Variants in TENM2 observed in about 807,000 individuals in gnomAD.
The protein encoded by TENM2 is teneurin-2.
Under a neutral mutation model 245.2 loss-of-function variants are expected in TENM2, and 52 were observed. The observed-to-expected ratio is 0.21, with a 90% CI of 0.17 to 0.27. The LOEUF is 0.27. Ranked by LOEUF, TENM2 falls within the 10% of genes least tolerant of loss-of-function variation. The pLI, the probability that TENM2 is intolerant of heterozygous loss-of-function variation, is 1.00. For missense variants in TENM2, 3,046 were observed against 3,666.8 expected, an observed-to-expected ratio of 0.83 and a Z score of 4.37; for synonymous variants, 1,363 against 1,438.9, an observed-to-expected ratio of 0.95 and a Z score of 1.19.
chr5:167,813,048 C>T (rs1003861070), intron 2 of TENM2, among the ~76,000 whole-genome samples: 1 of 152,130 alleles, frequency 6.6e-6, no homozygotes, highest in Non-Finnish European at 1.5e-5. Flanking sequence ...AACATTCCTT[C>T]GTGCTTCTGT....
At chr5:167,397,767 A>G (rs975101413) in intron 2 of TENM2, among the ~76,000 whole-genome samples, 5 of 152,186 alleles carry the variant, frequency 3.3e-5, no homozygotes, top group African/African-American at 1.2e-4. Context: ...TAGCAACTTG[A>G]TCTCATATAT....
At chr5:167,146,989 G>A in the TENM2 span, among the ~76,000 whole-genome samples, 1 of 152,126 alleles carries the variant, frequency 6.6e-6, no homozygotes, top group Non-Finnish European at 1.5e-5. Flanking sequence ...GTGATAGAAC[G>A]TTTGAATTTG....
intron 1 of TENM2, among the ~76,000 whole-genome samples, chr5:167,361,420 A>G (rs929420723): frequency 6.6e-6 from 1 of 152,176 alleles, no homozygotes; most frequent in Non-Finnish European, 1.5e-5. Flanking sequence ...ATGTGTCTAT[A>G]AACAACATAT....
At chr5:167,702,035 G>A (rs1222933416) in intron 2 of TENM2, among the ~76,000 whole-genome samples, 1 of 152,116 alleles carries the variant, frequency 6.6e-6, no homozygotes, top group Non-Finnish European at 1.5e-5. Context: ...CAACCATTTT[G>A]AAGATTGCAA....
the TENM2 span, among the ~76,000 whole-genome samples, chr5:167,082,724 C>G: frequency 6.6e-6 from 1 of 152,090 alleles, no homozygotes; most frequent in Non-Finnish European, 1.5e-5. Context: ...GTAGTAGGTT[C>G]ACATACAGAA....
At chr5:167,657,051 G>T (rs1470778407) in intron 2 of TENM2, among the ~76,000 whole-genome samples, 2 of 149,932 alleles carry the variant, frequency 1.3e-5, no homozygotes, top group African/African-American at 4.9e-5. Context: ...CAAAACACTT[G>T]AACGTATTTC....
intron 1 of TENM2, among the ~76,000 whole-genome samples, chr5:167,370,962 C>T (rs189885076): frequency 3.3e-5 from 5 of 152,144 alleles, no homozygotes; most frequent in African/African-American, 1.2e-4. Flanking sequence ...AGTCTCCCAT[C>T]GATGAGCAAA....
At position 167,287,549 on chromosome 5, in the gene TENM2, G is replaced by T. The variant is rs1310165910; in HGVS notation, c.226+2486G>T. ...CTCTACAGATGCTCAGGGTGGAAAAGAATTGCCAGCCAGCAAAAGTGATGG... is the reference window on the plus strand; with the variant it reads ...CTCTACAGATGCTCAGGGTGGAAAATAATTGCCAGCCAGCAAAAGTGATGG... On this transcript the variant is annotated intron_variant, in intron 1 of 28. Transcript: ENST00000518659. 2.0e-5 allele frequency: 3 copies of T among 152,300 alleles called. No individual in the cohort carries two copies. In the East Asian group the frequency reaches 5.8e-4, roughly 29 times the overall value. The allele number at this position is 152,300 out of a possible 1,614,324, so 9.4% of individuals were successfully genotyped here.
chr5:167,834,932 G>A (rs886302129), intron 2 of TENM2, among the ~76,000 whole-genome samples: 7 of 152,186 alleles, frequency 4.6e-5, no homozygotes, highest in Non-Finnish European at 8.8e-5. Context: ...TTACAGGCAT[G>A]AGCCACTGCG....
chr5:167,287,496 A>G (rs1581667610), intron 1 of TENM2: 1 of 152,162 alleles, frequency 6.6e-6, no homozygotes. Context: ...CTCACATACA[A>G]CCAAGTTTTG....
intron 2 of TENM2, among the ~76,000 whole-genome samples, chr5:167,430,888 G>T (rs930343564): frequency 1.3e-5 from 2 of 152,116 alleles, no homozygotes; most frequent in Non-Finnish European, 2.9e-5. Context: ...AGAATACAGG[G>T]AGTAGAAAAT....
At chr5:167,869,775 A>G (rs544479004) in intron 2 of TENM2, among the ~76,000 whole-genome samples, 17 of 152,320 alleles carry the variant, frequency 1.1e-4, no homozygotes, top group African/African-American at 4.1e-4. Context: ...ACAGACCTTG[A>G]AAAACCCGAT....
intron 12 of TENM2, among the ~76,000 whole-genome samples, chr5:168,144,141 G>A (rs112007754): frequency 0.024 from 3,573 of 151,890 alleles, 136 homozygotes; most frequent in African/African-American, 0.081. Flanking sequence ...TTACAGGCGC[G>A]AGCCACTGCG....
intron 13 of TENM2, among the ~76,000 whole-genome samples, chr5:168,182,163 G>A (rs1461807963): frequency 6.6e-6 from 1 of 152,172 alleles, no homozygotes; most frequent in Admixed American, 6.5e-5. Context: ...CAGAGGCAAT[G>A]AAGAACTAAT....
intron 5 of TENM2, among the ~76,000 whole-genome samples, chr5:168,043,203 G>A: frequency 6.6e-6 from 1 of 151,910 alleles, no homozygotes; most frequent in Non-Finnish European, 1.5e-5. Context: ...AGATGAAGCA[G>A]CAATAACTCT....
chr5:167,687,149 A>G (rs1223044990), intron 2 of TENM2, among the ~76,000 whole-genome samples: 9 of 152,304 alleles, frequency 5.9e-5, no homozygotes, highest in Middle Eastern at 3.4e-3. Flanking sequence ...ACCTCGGGGA[A>G]AATTGACTCA....
intron 1 of TENM2, chr5:167,310,011 C>A (rs189650649): frequency 6.6e-6 from 1 of 152,132 alleles, no homozygotes; most frequent in Non-Finnish European, 1.5e-5. Context: ...TATGATTACC[C>A]TTTCTTTATA....
At chr5:168,010,074 A>G (rs1361573636) in intron 5 of TENM2, among the ~76,000 whole-genome samples, 3 of 152,240 alleles carry the variant, frequency 2.0e-5, no homozygotes, top group Non-Finnish European at 4.4e-5. Flanking sequence ...AAGTTACTGG[A>G]GAGGAATGTC....
intron 2 of TENM2, among the ~76,000 whole-genome samples, chr5:167,604,100 T>C (rs1366990349): frequency 1.3e-5 from 2 of 151,684 alleles, no homozygotes; most frequent in African/African-American, 2.4e-5. Flanking sequence ...TTAACTAAAT[T>C]TAAAAAGATA....
Sources: gnomAD v4.1 joint callset for allele counts (sites outside exome capture counted in the v4.1 genomes callset) on GRCh38, gnomAD v4.1.1 for gene constraint, MANE v1.5 for transcripts, NCBI Gene and HGNC (gene_info 2026-07-23, HGNC 2026-07-21) for gene names.